Variants in USH2A observed in about 807,000 individuals in gnomAD.
USH2A encodes Usher syndrome 2A (autosomal recessive, mild).
In USH2A, 443 loss-of-function variants were observed where a neutral mutation model predicts 538.9. The ratio of observed to expected loss-of-function variants is 0.82; its 90% CI spans 0.76 to 0.89. The LOEUF is 0.89. USH2A is among the 40% of genes least tolerant of loss of function. The probability of loss-of-function intolerance (pLI) is 0.00; values close to 1 mark genes in which losing one functional copy is unlikely to be tolerated. For synonymous variants in USH2A, 2,413 were observed against 2,273.5 expected, an observed-to-expected ratio of 1.06 and a Z score of -1.75; for missense variants, 6,633 against 6,324.8, an observed-to-expected ratio of 1.05 and a Z score of -1.65.
intron 37 of USH2A, among the ~76,000 whole-genome samples, chr1:215,935,572 G>A (rs1398903522): frequency 6.6e-6 from 1 of 151,918 alleles, no homozygotes; most frequent in Non-Finnish European, 1.5e-5. Flanking sequence ...AATCTCATCA[G>A]TCCAAAATGC....
intron 22 of USH2A, among the ~76,000 whole-genome samples, chr1:216,094,269 AT>A (rs756283325): frequency 6.6e-6 from 1 of 152,064 alleles, no homozygotes; most frequent in Non-Finnish European, 1.5e-5. Flanking sequence ...AGCACTTTTT[AT>A]TAGTAGTAAC....
At chr1:216,110,068 T>G (rs1182507168) in intron 21 of USH2A, among the ~76,000 whole-genome samples, 7 of 152,228 alleles carry the variant, frequency 4.6e-5, no homozygotes, top group Non-Finnish European at 1.5e-5. Context: ...CCAGACATTT[T>G]CTCTTTCTAG....
At chr1:215,752,908 T>A (rs1660669904) in intron 58 of USH2A, among the ~76,000 whole-genome samples, 1 of 152,106 alleles carries the variant, frequency 6.6e-6, no homozygotes, top group African/African-American at 2.4e-5. Context: ...TGCATTCTAC[T>A]CATCTGACAA....
chr1:215,643,693 T>TA (rs1656761224), intron 67 of USH2A, among the ~76,000 whole-genome samples: 3 of 151,788 alleles, frequency 2.0e-5, no homozygotes, highest in African/African-American at 7.3e-5. Flanking sequence ...ACCTGGCTAT[T>TA]TAAAAAAAAA....
chr1:215,767,467 C>A (rs989564258), intron 55 of USH2A, among the ~76,000 whole-genome samples: 1 of 152,130 alleles, frequency 6.6e-6, no homozygotes, highest in Non-Finnish European at 1.5e-5. Flanking sequence ...GTATCTAATG[C>A]GCCCTTTTTT....
intron 11 of USH2A, among the ~76,000 whole-genome samples, chr1:216,259,841 C>T (rs937674821): frequency 6.6e-6 from 1 of 151,782 alleles, no homozygotes; most frequent in Non-Finnish European, 1.5e-5. Flanking sequence ...ACAAGTAAAA[C>T]CCATAATTTT....
chr1:215,717,142 T>TGCTTGGTAAAAC, intron 61 of USH2A, among the ~76,000 whole-genome samples: 1 of 152,180 alleles, frequency 6.6e-6, no homozygotes, highest in African/African-American at 2.4e-5. Flanking sequence ...ACCCATTAAC[T>TGCTTGGTAAAAC]GCTTGGTAAA....
At chr1:215,917,996 G>A (rs1666003890) in intron 38 of USH2A, among the ~76,000 whole-genome samples, 1 of 151,702 alleles carries the variant, frequency 6.6e-6, no homozygotes, top group African/African-American at 2.4e-5. Context: ...AGGTCGTGTA[G>A]AAAATAAACC....
intron 64 of USH2A, among the ~76,000 whole-genome samples, chr1:215,659,203 G>A (rs1044990262): frequency 6.6e-6 from 1 of 152,216 alleles, no homozygotes; most frequent in African/African-American, 2.4e-5. Flanking sequence ...GGCTTATCCA[G>A]GAGGTTCTCT....
At chr1:215,663,332 T>C (rs1330293996) in intron 64 of USH2A, among the ~76,000 whole-genome samples, 1 of 152,240 alleles carries the variant, frequency 6.6e-6, no homozygotes, top group East Asian at 1.9e-4. Context: ...TTAGTTCTCA[T>C]AACACACCCA....
chr1:216,222,645 C>A (rs544087215), intron 14 of USH2A, among the ~76,000 whole-genome samples: 1 of 152,290 alleles, frequency 6.6e-6, no homozygotes, highest in African/African-American at 2.4e-5. Flanking sequence ...CAAGGAAACA[C>A]TGCTCTGCTG....
At chr1:216,120,219 CAAAAAAAAAAAAAAAAAAA>C (rs10525093) in intron 21 of USH2A, among the ~76,000 whole-genome samples, 2 of 100,064 alleles carry the variant, frequency 2.0e-5, no homozygotes, top group Non-Finnish European at 3.8e-5. Flanking sequence ...TACTAAATAG[CAAAAAAAAAAAAAAAAAAA>C]AAAAAAAAAA....
In USH2A at chr1:215,867,162, G is replaced by A; in HGVS notation, c.8690C>T (p.Thr2897Ile). ...GTGTACGAAGAGCATATATTCATAGGTTGTAAACCTAAAATGTTGTTTTGT... is the reference window on the plus strand; with the variant it reads ...GTGTACGAAGAGCATATATTCATAGATTGTAAACCTAAAATGTTGTTTTGT... ...YEDKGLSRFT[T>I]YEYMLFVHNS... Residue 2897 changes from threonine to isoleucine, a missense_variant, in exon 44 of 72, where the codon ACC becomes ATC. Thr to Ile is a moderately conservative substitution (Grantham distance 89, BLOSUM62 -1). Coordinates refer to ENST00000307340, the MANE Select transcript of USH2A (RefSeq NM_206933.4). The A allele has an allele frequency of 1.2e-6, 2 of 1,613,968 alleles. No individual in the cohort carries two copies. Among genetic ancestry groups the A allele is most frequent in the South Asian group, 2.2e-5 (2 of 91,072 alleles).
chr1:215,919,856 A>G (rs1040883285), intron 38 of USH2A, among the ~76,000 whole-genome samples: 1 of 152,092 alleles, frequency 6.6e-6, no homozygotes, highest in Non-Finnish European at 1.5e-5. Flanking sequence ...ATTTCAGAGT[A>G]GCCTGCATCC....
In USH2A at chr1:216,346,391, A is replaced by C. The variant is rs544428135; in HGVS notation, c.784+18562T>G. 2.6e-5 allele frequency among the ~76,000 whole-genome samples: 4 copies of C among 152,240 alleles called. No individual in the cohort carries two copies. In the South Asian group the frequency reaches 8.3e-4, roughly 32 times the overall value. On this transcript the variant is annotated intron_variant, in intron 4 of 71. Coordinates refer to ENST00000307340, the MANE Select transcript of USH2A (RefSeq NM_206933.4). ...ATTGGAAATGGATAGATCCCTCTCAAAATCTAAGGCTGTCTTGTGTTTCGC... is the reference window on the plus strand; with the variant it reads ...ATTGGAAATGGATAGATCCCTCTCACAATCTAAGGCTGTCTTGTGTTTCGC...
intron 27 of USH2A, 92 bp downstream of exon 27, chr1:216,077,997 G>A: frequency 6.6e-7 from 1 of 1,505,662 alleles, no homozygotes. Flanking sequence ...CTTTTAGCCT[G>A]AGTCTATTGC....
chr1:216,185,505 C>T (rs1162728157), intron 20 of USH2A, among the ~76,000 whole-genome samples: 2 of 151,828 alleles, frequency 1.3e-5, no homozygotes. Context: ...ATTTGTGGTG[C>T]TCTTTTTCAA....
chr1:216,388,494 T>C (rs923195032), intron 3 of USH2A, among the ~76,000 whole-genome samples: 5 of 152,206 alleles, frequency 3.3e-5, no homozygotes, highest in Non-Finnish European at 7.3e-5. Flanking sequence ...TGTATATGAA[T>C]ATTATGACTT....
At chr1:216,289,189 T>C in intron 11 of USH2A, 91 bp downstream of exon 11, 5 of 1,581,422 alleles carry the variant, frequency 3.2e-6, no homozygotes, top group South Asian at 1.1e-5. Context: ...TCCTGGCAAA[T>C]GCAGTCTTCA....
Sources: gnomAD v4.1 joint callset for allele counts (sites outside exome capture counted in the v4.1 genomes callset) on GRCh38, gnomAD v4.1.1 for gene constraint, MANE v1.5 for transcripts, NCBI Gene and HGNC (gene_info 2026-07-23, HGNC 2026-07-21) for gene names.